Variants in LRRC73 observed in about 807,000 individuals in gnomAD.
The protein encoded by LRRC73 is leucine-rich repeat-containing protein 73.
A neutral mutation model predicts 26.4 loss-of-function variants in LRRC73; 16 were observed. That is an observed-to-expected ratio of 0.61 (90% confidence interval 0.41 to 0.92). The LOEUF (loss-of-function observed/expected upper bound fraction) is 0.92, where lower values mean the gene tolerates loss of function less well. Among genes scored for constraint, LRRC73 ranks in the 40% least tolerant of loss-of-function variants. The pLI is 0.00. For missense variants in LRRC73, 344 were observed against 416.3 expected, an observed-to-expected ratio of 0.83 and a Z score of 1.51; for synonymous variants, 210 against 179.8, an observed-to-expected ratio of 1.17 and a Z score of -1.34.
chr6:43,509,573 G>A (rs1465212166), exon 1 of LRRC73: 1 of 1,609,538 alleles, frequency 6.2e-7, no homozygotes, highest in Admixed American at 1.7e-5. Flanking sequence ...TGATGCGGCT[G>A]GGGCTGGACA....
At chr6:43,507,191 C>T in exon 6 of LRRC73, 1 of 1,602,520 alleles carries the variant, frequency 6.2e-7, no homozygotes, top group Non-Finnish European at 8.5e-7. Context: ...GGGCAAGGTG[C>T]TCGGGACATA....
intron 1 of LRRC73, 30 bp downstream of exon 1, chr6:43,509,484 C>CG: frequency 1.9e-6 from 3 of 1,584,518 alleles, no homozygotes; most frequent in Non-Finnish European, 2.6e-6. Flanking sequence ...GTGCAGTGCC[C>CG]GGGACCCCCT....
At chr6:43,508,214 G>A (rs1582166869) in intron 3 of LRRC73, 84 bp downstream of exon 3, 4 of 1,514,230 alleles carry the variant, frequency 2.6e-6, no homozygotes, top group Non-Finnish European at 3.5e-6. Flanking sequence ...CCCAGTGTAC[G>A]GGTTACCATG....
chr6:43,507,319 G>C lies in LRRC73; in HGVS notation c.881-11C>G. 1 of 1,613,918 alleles carries C rather than the reference G, an allele frequency of 6.2e-7. No homozygotes were observed. The highest frequency in any genetic ancestry group is 8.5e-7 in the Non-Finnish European group (1 of 1,179,982). ...TCTGAGAGCTGGGATCTGTGGAAGG[G>C]CAGAGAAGTGTTCAGACCACCATTC... On this transcript the variant is annotated splice_polypyrimidine_tract_variant and intron_variant, in intron 5 of 5. Transcript: ENST00000372441.
chr6:43,507,541 TC>T lies in LRRC73; in HGVS notation c.794del (p.Gly265GlufsTer37). 1 of 1,612,520 alleles carries T rather than the reference TC, an allele frequency of 6.2e-7. No individual in the cohort carries two copies. Among genetic ancestry groups the T allele is most frequent in the South Asian group, 1.1e-5 (1 of 91,056 alleles). On this transcript the variant is annotated frameshift_variant, in exon 5 of 6. Coordinates refer to ENST00000372441, the Ensembl canonical transcript of LRRC73. LOFTEE classifies it high-confidence loss of function. ...CCCATTCCTGGGTGTCGCCAGCCCCTCCTGCCACTTCCTCCTCCTCCTCTCC... is the reference window on the plus strand; with the variant it reads ...CCCATTCCTGGGTGTCGCCAGCCCCTCTGCCACTTCCTCCTCCTCCTCTCC...
rs532372359 is a variant in LRRC73, at chr6:43,509,851, C to T, written c.-66G>A. The T allele has an allele frequency of 4.5e-5, 61 of 1,366,322 alleles. 3 individuals carry two copies. The South Asian group carries it at 9.6e-4, about 22-fold the overall frequency. The allele number at this position is 1,366,322 out of a possible 1,614,324, so 84.6% of individuals were successfully genotyped here. A position where few individuals can be genotyped will look rare whatever the true frequency, so the allele number is the denominator to read the frequency against. ...AGGTTGGTGGGGCCGCGGGCGGGGC[C>T]GGGGATAGGGCCGGGGTCGGGGCCC... On this transcript the variant is annotated 5_prime_UTR_variant, in exon 1 of 6. Coordinates refer to ENST00000372441, the Ensembl canonical transcript of LRRC73.
intron 2 of LRRC73, 134 bp downstream of exon 2, chr6:43,508,626 T>C: frequency 7.1e-7 from 1 of 1,414,016 alleles, no homozygotes. Context: ...CCCCCCGTCC[T>C]GCCCCTTCCT....
exon 1 of LRRC73, chr6:43,509,673 C>T (rs765354774): frequency 6.3e-7 from 1 of 1,592,980 alleles, no homozygotes. Flanking sequence ...GCAGAGGCGG[C>T]AGCCGCGCAG....
chr6:43,507,136 G>C lies in LRRC73; in HGVS notation c.*102C>G. On this transcript the variant is annotated 3_prime_UTR_variant, in exon 6 of 6. Transcript: ENST00000372441. ...CTGCCAGAGCCCCCATGCAGCCCCTGACCCCAGTTCCCTCCCAAGTCCCAG... is the reference window on the plus strand; with the variant it reads ...CTGCCAGAGCCCCCATGCAGCCCCTCACCCCAGTTCCCTCCCAAGTCCCAG... 3.2e-6 allele frequency: 4 copies of C among 1,265,832 alleles called. No individual in the cohort carries two copies. The South Asian group carries it at 5.2e-5, about 16-fold the overall frequency. 78.4% of individuals were successfully genotyped at this position (1,265,832 alleles called of 1,614,324 possible).
chr6:43,509,935 TGCGGCTGCGGCGGAGGC>T, exon 1 of LRRC73: 1 of 540,098 alleles, frequency 1.9e-6, no homozygotes, highest in East Asian at 3.9e-5. Flanking sequence ...TGGCGGAGGC[TGCGGCTGCGGCGGAGGC>T]TGCGGCGGGG....
intron 3 of LRRC73, 107 bp from the exon 4 acceptor site, chr6:43,508,033 A>G: frequency 1.8e-6 from 2 of 1,095,114 alleles, no homozygotes; most frequent in Non-Finnish European, 2.6e-6. Context: ...TGGCCAAGGA[A>G]ACATGGACAA....
intron 1 of LRRC73, 82 bp downstream of exon 1, chr6:43,509,432 G>C: frequency 2.0e-6 from 3 of 1,468,850 alleles, no homozygotes; most frequent in East Asian, 2.3e-5. Flanking sequence ...GTACTGGAAG[G>C]AGTGTGGAGG....
At chr6:43,508,776 T>C in exon 2 of LRRC73, 1 of 1,611,402 alleles carries the variant, frequency 6.2e-7, no homozygotes, top group East Asian at 2.2e-5. Context: ...TGGCCCCATC[T>C]GGGGGCAGGA....
At chr6:43,509,747 C>T in exon 1 of LRRC73, 2 of 1,585,578 alleles carry the variant, frequency 1.3e-6, no homozygotes, top group South Asian at 1.1e-5. Context: ...CGGCGCCGGA[C>T]AGCGGCTCCC....
intron 1 of LRRC73, 29 bp downstream of exon 1, chr6:43,509,485 G>T (rs780858717): frequency 6.3e-7 from 1 of 1,585,868 alleles, no homozygotes; most frequent in Non-Finnish European, 8.6e-7. Flanking sequence ...TGCAGTGCCC[G>T]GGACCCCCTT....
At chr6:43,507,338 ACCATTC>A (rs766905481) in intron 5 of LRRC73, 30 bp from the exon 6 acceptor site, 2 of 1,613,258 alleles carry the variant, frequency 1.2e-6, no homozygotes, top group Admixed American at 3.3e-5. Flanking sequence ...TGTTCAGACC[ACCATTC>A]CTTCCTCCAA....
chr6:43,506,996 G>A (rs565009274), exon 6 of LRRC73: 1 of 539,604 alleles, frequency 1.9e-6, no homozygotes, highest in South Asian at 2.1e-5. Flanking sequence ...TTCCGAGCCA[G>A]CGGGTTGCAG....
chr6:43,507,246 C>G, exon 6 of LRRC73: 4 of 1,613,828 alleles, frequency 2.5e-6, no homozygotes, highest in Non-Finnish European at 2.5e-6. Flanking sequence ...AGTCACATCT[C>G]GGTCTCAGCC....
At chr6:43,508,654 G>A in intron 2 of LRRC73, 106 bp downstream of exon 2, 1 of 1,469,270 alleles carries the variant, frequency 6.8e-7, no homozygotes, top group Admixed American at 2.1e-5. Flanking sequence ...GTAGAAAGAT[G>A]TTCTCGCCCA....
Sources: gnomAD v4.1 joint callset for allele counts on GRCh38, gnomAD v4.1.1 for gene constraint, MANE v1.5 for transcripts, NCBI Gene and HGNC (gene_info 2026-07-23, HGNC 2026-07-21) for gene names.